Variants in COL4A5 observed in about 807,000 individuals in gnomAD.
COL4A5 encodes collagen type IV alpha 5 chain.
COL4A5 carries 26 observed loss-of-function variants against 130.2 expected under a neutral mutation model. That is an observed-to-expected ratio of 0.20 (90% CI 0.15 to 0.28). The LOEUF is 0.28. COL4A5 is among the 10% of genes least tolerant of loss of function. COL4A5 has a pLI of 1.00. For missense variants in COL4A5, 1,131 were observed against 1,344.3 expected, an observed-to-expected ratio of 0.84 and a Z score of 2.48; for synonymous variants, 496 against 439.6, an observed-to-expected ratio of 1.13 and a Z score of -1.60.
chrX:108,620,219 C>G (rs370885548), intron 30 of COL4A5, 40 bp from the exon 31 acceptor site: 18 of 1,111,331 alleles, frequency 1.6e-5, no homozygotes, highest in Non-Finnish European at 2.1e-5. Flanking sequence ...TCTTTTAAAA[C>G]TGCTTCAGTA....
intron 47 of COL4A5, among the ~76,000 whole-genome samples, chrX:108,685,337 C>A (rs1307967766): frequency 8.9e-6 from 1 of 112,258 alleles, no homozygotes; most frequent in Non-Finnish European, 1.9e-5. Context: ...GAATACCAGA[C>A]CACCACAAGT....
Position 108,696,499 on chromosome X carries a change from T to C in COL4A5, c.*121T>C. ...CTGCCGTCAATGGTGCTACTATATATGATCAAGATAACATGCTGACTAGTA... is the reference window on the plus strand; with the variant it reads ...CTGCCGTCAATGGTGCTACTATATACGATCAAGATAACATGCTGACTAGTA... On this transcript the variant is annotated 3_prime_UTR_variant, in exon 53 of 53. Coordinates refer to ENST00000328300, the MANE Select transcript of COL4A5 (RefSeq NM_033380.3). 1 of 510,974 alleles carries C rather than the reference T, an allele frequency of 2.0e-6. No individual in the cohort carries two copies. The highest frequency in any genetic ancestry group is 3.3e-6 in the Non-Finnish European group (1 of 299,889). 42.1% of individuals were successfully genotyped at this position (510,974 alleles called of 1,213,427 possible).
At chrX:108,653,443 A>T (rs181992784) in intron 36 of COL4A5, among the ~76,000 whole-genome samples, 57 of 110,921 alleles carry the variant, frequency 5.1e-4, no homozygotes, top group Admixed American at 3.9e-3. Context: ...TATAGCATGG[A>T]TATGCTGGGG....
intron 1 of COL4A5, among the ~76,000 whole-genome samples, chrX:108,478,763 A>G (rs769472137): frequency 1.7e-4 from 19 of 111,929 alleles, no homozygotes; most frequent in Non-Finnish European, 3.2e-4. Flanking sequence ...TCGTGAGTCC[A>G]AGGATCGTAG....
At chrX:108,694,656 G>A in intron 50 of COL4A5, 151 bp from the exon 51 acceptor site, 1 of 507,953 alleles carries the variant, frequency 2.0e-6, no homozygotes, top group Non-Finnish European at 3.5e-6. Context: ...CTTAGCAAAT[G>A]CAATCCTCAA....
intron 36 of COL4A5, among the ~76,000 whole-genome samples, chrX:108,635,224 GA>G (rs1337192761): frequency 1.8e-5 from 2 of 109,056 alleles, no homozygotes; most frequent in Admixed American, 9.7e-5. Context: ...AAAAGTGGGA[GA>G]AAAAAAATCC....
At chrX:108,599,011 G>C in intron 25 of COL4A5, 141 bp downstream of exon 25, 1 of 538,188 alleles carries the variant, frequency 1.9e-6, no homozygotes. Context: ...CTTAGCAAGG[G>C]ATCACAATGG....
chrX:108,546,051 A>G (rs2065646489), intron 2 of COL4A5, among the ~76,000 whole-genome samples: 1 of 111,417 alleles, frequency 9.0e-6, no homozygotes, highest in Non-Finnish European at 1.9e-5. Flanking sequence ...GTGGGTCTTC[A>G]CTCTTTATCC....
chrX:108,453,539 A>G (rs1228776700), intron 1 of COL4A5, among the ~76,000 whole-genome samples: 2 of 111,813 alleles, frequency 1.8e-5, no homozygotes, highest in Non-Finnish European at 3.8e-5. Flanking sequence ...AATAATTTTA[A>G]ATATTACTCA....
intron 1 of COL4A5, among the ~76,000 whole-genome samples, chrX:108,466,510 G>A (rs1207996910): frequency 9.0e-6 from 1 of 111,722 alleles, no homozygotes; most frequent in African/African-American, 3.3e-5. Flanking sequence ...TGCATTTTCC[G>A]AATGCCTGAT....
intron 1 of COL4A5, among the ~76,000 whole-genome samples, chrX:108,447,512 A>G (rs1050496715): frequency 2.7e-5 from 3 of 111,983 alleles, no homozygotes; most frequent in South Asian, 7.4e-4. Flanking sequence ...ACTGTTATGC[A>G]TTGTGGTTTT....
chrX:108,647,316 C>A (rs756051353), intron 36 of COL4A5, among the ~76,000 whole-genome samples: 26 of 110,910 alleles, frequency 2.3e-4, no homozygotes, highest in African/African-American at 8.5e-4. Context: ...AAGTTGGATT[C>A]CTAGGTATTT....
chrX:108,627,567 A>G, intron 36 of COL4A5: 1 of 710,607 alleles, frequency 1.4e-6, no homozygotes, highest in Non-Finnish European at 1.7e-6. Flanking sequence ...AGTTATTTAT[A>G]CTGTATAGTT....
At chrX:108,467,240 A>T (rs1031708183) in intron 1 of COL4A5, among the ~76,000 whole-genome samples, 16 of 111,822 alleles carry the variant, frequency 1.4e-4, no homozygotes, top group Non-Finnish European at 3.0e-4. Context: ...TTAAATGTGG[A>T]TATACAGTTG....
chrX:108,525,437 C>A (rs73524501), intron 1 of COL4A5, among the ~76,000 whole-genome samples: 8,126 of 110,779 alleles, frequency 0.073, 763 homozygotes, highest in African/African-American at 0.25. Flanking sequence ...TGAAGTCTGC[C>A]AATCTCTGAT....
Position 108,573,802 on chromosome X carries a change from A to G in COL4A5, c.546+148A>G. The G allele has an allele frequency of 8.4e-6, 4 of 475,267 alleles. No homozygotes were observed. In the South Asian group the frequency reaches 9.6e-5, roughly 11 times the overall value. The allele number at this position is 475,267 out of a possible 1,213,427, so 39.2% of individuals were successfully genotyped here. ...TTACATGTACTTTCTACCTGAAAAT[A>G]AAAGCAATCTGGACCAGGGAGAATT... is the stretch of plus-strand genomic sequence containing the variant. On this transcript the variant is annotated intron_variant, in intron 9 of 52. Transcript: ENST00000328300.
intron 1 of COL4A5, among the ~76,000 whole-genome samples, chrX:108,527,271 C>T (rs889473771): frequency 7.2e-5 from 8 of 110,925 alleles, no homozygotes; most frequent in African/African-American, 2.6e-4. Flanking sequence ...AAGTATTGTG[C>T]CCCTCAATTA....
chrX:108,639,803 T>C (rs1281721816), intron 36 of COL4A5, among the ~76,000 whole-genome samples: 1 of 112,127 alleles, frequency 8.9e-6, no homozygotes, highest in Non-Finnish European at 1.9e-5. Context: ...ACATCACTAA[T>C]CATTAGGGAA....
Position 108,440,273 on chromosome X carries a change from G to GC in COL4A5, c.81+67_81+68insC, listed in dbSNP as rs985193167. On this transcript the variant is annotated intron_variant, in intron 1 of 52. Coordinates refer to ENST00000328300, the MANE Select transcript of COL4A5 (RefSeq NM_033380.3). ...TCACGCTGAAATTACCTTTTTTTTG[G>GC]GGGGGGGGTCCCTTTATCTTCCTTT... is the stretch of plus-strand genomic sequence containing the variant. 4.2e-6 allele frequency: 3 copies of GC among 719,639 alleles called. No homozygotes were observed. In the African/African-American group the frequency reaches 6.7e-5, roughly 16 times the overall value. 59.3% of individuals were successfully genotyped at this position (719,639 alleles called of 1,213,427 possible). A position where few individuals can be genotyped will look rare whatever the true frequency, so the allele number is the denominator to read the frequency against.
Sources: gnomAD v4.1 joint callset for allele counts (sites outside exome capture counted in the v4.1 genomes callset) on GRCh38, gnomAD v4.1.1 for gene constraint, MANE v1.5 for transcripts, NCBI Gene and HGNC (gene_info 2026-07-23, HGNC 2026-07-21) for gene names.